ACSS2: variants seen among roughly 807,000 people sequenced by gnomAD.
ACSS2 encodes acyl-CoA synthetase short chain family member 2, also known as acetyl-coenzyme A synthetase, cytoplasmic.
In ACSS2, 58 loss-of-function variants were observed where a neutral mutation model predicts 90.6. That is an observed-to-expected ratio of 0.64 (90% CI 0.52 to 0.80). The LOEUF (loss-of-function observed/expected upper bound fraction) is 0.80, where lower values mean the gene tolerates loss of function less well. Among genes scored for constraint, ACSS2 ranks in the 30% least tolerant of loss-of-function variants. ACSS2 has a pLI of 0.00. For missense variants in ACSS2, 759 were observed against 912.0 expected, an observed-to-expected ratio of 0.83 and a Z score of 2.16; for synonymous variants, 300 against 330.9, an observed-to-expected ratio of 0.91 and a Z score of 1.01.
chr20:34,877,818 CAAAAAAAA>C (rs60819156), intron 1 of ACSS2, among the ~76,000 whole-genome samples: 7 of 91,216 alleles, frequency 7.7e-5, no homozygotes, highest in African/African-American at 1.4e-4. Context: ...GACTTTGTCT[CAAAAAAAA>C]AAAAAAAAAA....
At position 34,926,236 on chromosome 20, in the gene ACSS2, G is replaced by A. The variant is rs1406777510; in HGVS notation, c.1858G>A (p.Gly620Ser). 1 of 1,614,150 alleles carries A rather than the reference G, an allele frequency of 6.2e-7. No homozygotes were observed. Among genetic ancestry groups the A allele is most frequent in the Non-Finnish European group, 8.5e-7 (1 of 1,180,016 alleles). Residue 620 changes from glycine to serine, a missense_variant, in exon 16 of 18, where the codon GGC (glycine) becomes AGC (serine). Transcript: ENST00000360596. ...CLYCFVTLCDGHTFSPKLTEE... is the reference protein window; with the variant it reads ...CLYCFVTLCDSHTFSPKLTEE... ...CTACTGCTTTGTCACCTTGTGTGAT[G>A]GCCACACCTTCAGCCCCAAGCTCAC...
Position 34,927,403 on chromosome 20 carries a change from GC to G in ACSS2, c.*192del. On this transcript the variant is annotated 3_prime_UTR_variant, in exon 18 of 18. Coordinates refer to ENST00000360596, the MANE Select transcript of ACSS2 (RefSeq NM_018677.4). This position sits in a 1 kb window ranked among gnomAD's most constrained non-coding sequence, Gnocchi z 4.2. ...GTGACTGCCAGGCAGAAAGGACAGGGCCCAGGTCAGCCTCAGTCTGCTGTGC... is the reference window on the plus strand; with the variant it reads ...GTGACTGCCAGGCAGAAAGGACAGGGCCAGGTCAGCCTCAGTCTGCTGTGC... 1 of 731,574 alleles carries G rather than the reference GC, an allele frequency of 1.4e-6. No individual in the cohort carries two copies. 45.3% of individuals were successfully genotyped at this position (731,574 alleles called of 1,614,324 possible). A position where few individuals can be genotyped will look rare whatever the true frequency, so the allele number is the denominator to read the frequency against.
chr20:34,892,358 G>C lies in ACSS2; in HGVS notation c.374+9369G>C, dbSNP rs551538262. Among the ~76,000 whole-genome samples, 203 of 152,216 alleles carry C rather than the reference G, an allele frequency of 1.3e-3. 2 individuals are homozygous for C. Among genetic ancestry groups the C allele is most frequent in the Non-Finnish European group, 2.4e-3 (164 of 68,004 alleles). ...AGGTTGGGCACTGGTAATGATCCCCGGTGTCTCACATCTTGAACCTCTGAG... is the reference window on the plus strand; with the variant it reads ...AGGTTGGGCACTGGTAATGATCCCCCGTGTCTCACATCTTGAACCTCTGAG... On this transcript the variant is annotated intron_variant, in intron 2 of 17. Coordinates refer to ENST00000360596, the MANE Select transcript of ACSS2 (RefSeq NM_018677.4).
Position 34,921,320 on chromosome 20 carries a change from C to T in ACSS2, c.1278-10C>T. On this transcript the variant is annotated splice_polypyrimidine_tract_variant and intron_variant, in intron 10 of 17. Transcript: ENST00000360596. The stretch of plus-strand genomic sequence containing the variant: ...TCAGAGCCTTCCTCTCTCCCATTCC[C>T]CTGCCCCAGGCATAGCCGGGCATCC... 2 of 1,614,046 alleles carry T rather than the reference C, an allele frequency of 1.2e-6. No individual in the cohort carries two copies. Among genetic ancestry groups the T allele is most frequent in the Non-Finnish European group, 1.7e-6 (2 of 1,180,004 alleles).
chr20:34,877,261 C>T (rs1248106280), intron 1 of ACSS2, among the ~76,000 whole-genome samples: 2 of 152,128 alleles, frequency 1.3e-5, no homozygotes, highest in African/African-American at 4.8e-5. Context: ...CACACCAGCT[C>T]AGCCACTGCC....
chr20:34,925,899 C>A, intron 15 of ACSS2, 133 bp downstream of exon 15: 1 of 1,179,078 alleles, frequency 8.5e-7, no homozygotes, highest in Non-Finnish European at 1.2e-6. Context: ...AGTTCTGGGC[C>A]CAGGTTTTAG....
chr20:34,917,097 G>T (rs2081091410), intron 7 of ACSS2, among the ~76,000 whole-genome samples: 1 of 152,134 alleles, frequency 6.6e-6, no homozygotes, highest in Admixed American at 6.5e-5. Context: ...ACCCACAAAA[G>T]AAATAATAAG....
At position 34,876,770 on chromosome 20, in the gene ACSS2, C is replaced by G. The variant is rs2079922734; in HGVS notation, c.125C>G (p.Pro42Arg). Residue 42 changes from proline (P) to arginine (R), a missense_variant, in exon 1 of 18, where the codon CCC (proline) becomes CGC (arginine). Coordinates refer to ENST00000360596, the MANE Select transcript of ACSS2 (RefSeq NM_018677.4). Reference protein sequence around the residue: ...PPEVSRSAHVPSLQRYRELHR... With the variant: ...PPEVSRSAHVRSLQRYRELHR... Reference sequence around the variant, plus strand: ...GAGGTCAGCCGCTCCGCGCACGTCCCCTCGCTGCAGCGCTACCGCGAGCTG... The same window carrying G: ...GAGGTCAGCCGCTCCGCGCACGTCCGCTCGCTGCAGCGCTACCGCGAGCTG... 1 of 1,412,002 alleles carries G rather than the reference C, an allele frequency of 7.1e-7. No individual in the cohort carries two copies. Among genetic ancestry groups the G allele is most frequent in the African/African-American group, 1.5e-5 (1 of 66,488 alleles). The allele number at this position is 1,412,002 out of a possible 1,614,324, so 87.5% of individuals were successfully genotyped here. A position where few individuals can be genotyped will look rare whatever the true frequency, so the allele number is the denominator to read the frequency against.
chr20:34,913,580 T>A, intron 4 of ACSS2, 84 bp downstream of exon 4: 2 of 1,368,774 alleles, frequency 1.5e-6, no homozygotes, highest in Non-Finnish European at 2.0e-6. Context: ...TGGAGGGTCT[T>A]AAATAACAAA....
intron 2 of ACSS2, among the ~76,000 whole-genome samples, chr20:34,898,137 G>A (rs542409117): frequency 1.3e-5 from 2 of 152,262 alleles, no homozygotes; most frequent in African/African-American, 4.8e-5. Flanking sequence ...GCTCATAAAA[G>A]CAGTGTGGAC....
rs2081036302 is a variant in ACSS2 at position 34,914,446 on chromosome 20, G to C, written c.834+9G>C. On this transcript the variant is annotated intron_variant, in intron 7 of 17. Transcript: ENST00000360596. ...CATGCCCAGATGTGCAGGTGAGTCT[G>C]GCACTGCTATGCCTTTCTCCAGGCT... 1 of 1,598,414 alleles carries C rather than the reference G, an allele frequency of 6.3e-7. No homozygotes were observed. Among genetic ancestry groups the C allele is most frequent in the Non-Finnish European group, 8.5e-7 (1 of 1,173,054 alleles).
chr20:34,927,243 C>T lies in ACSS2; in HGVS notation c.*29C>T, dbSNP rs577169328. ...TGATCCTGACCTTTACCTAGGATTC[C>T]TCCTGCTCCAAACTTTGCCCATCCT... is the stretch of plus-strand genomic sequence containing the variant. On this transcript the variant is annotated 3_prime_UTR_variant, in exon 18 of 18. Transcript: ENST00000360596. This position sits in a 1 kb window ranked among gnomAD's most constrained non-coding sequence, Gnocchi z 4.2. 2 of 1,610,688 alleles carry T rather than the reference C, an allele frequency of 1.2e-6. No individual in the cohort carries two copies. Among genetic ancestry groups the T allele is most frequent in the South Asian group, 2.2e-5 (2 of 90,994 alleles).
chr20:34,913,877 G>A, intron 5 of ACSS2, 52 bp downstream of exon 5: 1 of 1,569,084 alleles, frequency 6.4e-7, no homozygotes. Context: ...TCAAGCCTTG[G>A]TCTCCAATCA....
chr20:34,913,260 G>A, intron 3 of ACSS2, 73 bp downstream of exon 3: 1 of 1,567,704 alleles, frequency 6.4e-7, no homozygotes, highest in Non-Finnish European at 8.8e-7. Context: ...CTTATGGGGA[G>A]AGGGCAAGGG....
intron 1 of ACSS2, among the ~76,000 whole-genome samples, chr20:34,877,913 T>TAGAC (rs776372160): frequency 1.6e-5 from 2 of 126,676 alleles, no homozygotes; most frequent in East Asian, 2.0e-4. Flanking sequence ...GATAGACAGA[T>TAGAC]AGATAGATAG....
At chr20:34,879,417 A>G (rs1278412159) in intron 1 of ACSS2, among the ~76,000 whole-genome samples, 1 of 151,702 alleles carries the variant, frequency 6.6e-6, no homozygotes, top group Non-Finnish European at 1.5e-5. Flanking sequence ...GCATTCACTG[A>G]TCATCCCAAT....
chr20:34,907,049 T>A (rs1393541345), intron 2 of ACSS2, among the ~76,000 whole-genome samples: 1 of 148,628 alleles, frequency 6.7e-6, no homozygotes, highest in East Asian at 2.0e-4. Context: ...AGAAAACAGA[T>A]AATATATAAG....
chr20:34,899,044 G>A (rs961510955), intron 2 of ACSS2, among the ~76,000 whole-genome samples: 4 of 152,236 alleles, frequency 2.6e-5, no homozygotes, highest in African/African-American at 7.2e-5. Context: ...CTGCTGGCCC[G>A]GGTGCTAAGC....
At chr20:34,925,573 G>T in intron 14 of ACSS2, 125 bp from the exon 15 acceptor site, 4 of 1,023,336 alleles carry the variant, frequency 3.9e-6, no homozygotes, top group Non-Finnish European at 4.3e-6. Flanking sequence ...GGCTACTACA[G>T]TGGGCAAGAG....
Sources: allele counts gnomAD v4.1 joint callset (sites outside exome capture counted in the v4.1 genomes callset), GRCh38; gene constraint gnomAD v4.1.1; non-coding constraint Gnocchi (gnomAD v3.1); transcripts MANE v1.5; gene names NCBI Gene and HGNC (gene_info 2026-07-23, HGNC 2026-07-21).